IL1RAPL1: variants seen among roughly 807,000 people sequenced by gnomAD.
IL1RAPL1 encodes the protein interleukin 1 receptor accessory protein like 1, also known as interleukin-1 receptor accessory protein-like 1.
In IL1RAPL1, 3 loss-of-function variants were observed where a neutral mutation model predicts 48.4. The observed-to-expected ratio is 0.06, with a 90% CI of 0.03 to 0.16. IL1RAPL1 has a LOEUF of 0.16. IL1RAPL1 is among the 10% of genes least tolerant of loss of function. IL1RAPL1 has a pLI of 1.00. For synonymous variants in IL1RAPL1, 185 were observed against 187.7 expected (o/e 0.99, Z 0.12); for missense variants, 349 against 530.6 (o/e 0.66, Z 3.36).
rs762110727 is a variant in IL1RAPL1, at chrX:28,781,227, T to A, written c.-24-8093T>A. On this transcript the variant is annotated intron_variant, in intron 1 of 10. Transcript: ENST00000378993. ...ATCAAGATGTCATCTGGGTCTTAGGTCTTATCTGAGACTTGAAGTCCTCTT... is the reference window on the plus strand; with the variant it reads ...ATCAAGATGTCATCTGGGTCTTAGGACTTATCTGAGACTTGAAGTCCTCTT... Among the ~76,000 whole-genome samples the A allele has an allele frequency of 3.6e-5, 4 of 110,549 alleles. No individual in the cohort carries two copies. In the East Asian group the frequency reaches 1.1e-3, roughly 31 times the overall value.
At chrX:29,639,923 A>AT (rs1412831712) in intron 5 of IL1RAPL1, among the ~76,000 whole-genome samples, 1 of 111,492 alleles carries the variant, frequency 9.0e-6, no homozygotes, top group Non-Finnish European at 1.9e-5. Flanking sequence ...AGCCAGAAGC[A>AT]TTTTTTATCA....
intron 6 of IL1RAPL1, among the ~76,000 whole-genome samples, chrX:29,842,405 A>C (rs1347255914): frequency 8.9e-6 from 1 of 111,900 alleles, no homozygotes; most frequent in African/African-American, 3.3e-5. Context: ...TGGAAATTTC[A>C]AGAAAGGGCT....
chrX:29,114,920 GTCC>G (rs746585786), intron 2 of IL1RAPL1, among the ~76,000 whole-genome samples: 1 of 111,495 alleles, frequency 9.0e-6, no homozygotes, highest in South Asian at 3.7e-4. Flanking sequence ...GAGCCACTGA[GTCC>G]AGCCTATTTG....
At chrX:29,609,944 T>A (rs746669136) in intron 5 of IL1RAPL1, among the ~76,000 whole-genome samples, 8 of 111,604 alleles carry the variant, frequency 7.2e-5, no homozygotes, top group South Asian at 3.7e-4. Flanking sequence ...CATTTTTTTT[T>A]ATTTTTCTGA....
chrX:29,205,478 T>C (rs1042892630), intron 2 of IL1RAPL1, among the ~76,000 whole-genome samples: 5 of 111,059 alleles, frequency 4.5e-5, no homozygotes, highest in African/African-American at 1.6e-4. Context: ...ACATTTTGCA[T>C]AATCAGTGTG....
Position 29,719,454 on chromosome X carries a change from G to A in IL1RAPL1, c.778+50950G>A, listed in dbSNP as rs780957502. The stretch of plus-strand genomic sequence containing the variant: ...ACCCAATCCTTACCCAAAGTCACAT[G>A]TCTAGCCAATGGTGGTGTCGAATAT... On this transcript the variant is annotated intron_variant, in intron 6 of 10. Transcript: ENST00000378993. Among the ~76,000 whole-genome samples the A allele has an allele frequency of 1.8e-3, 204 of 111,461 alleles. 2 individuals carry two copies. The highest frequency in any genetic ancestry group is 3.4e-3 in the Non-Finnish European group (178 of 53,051).
At chrX:28,705,777 G>A (rs1478092706) in intron 1 of IL1RAPL1, among the ~76,000 whole-genome samples, 1 of 111,701 alleles carries the variant, frequency 9.0e-6, no homozygotes, top group Non-Finnish European at 1.9e-5. Context: ...GAATTCCAAA[G>A]AAAAGGCCCA....
At chrX:29,149,207 T>A (rs1929410758) in intron 2 of IL1RAPL1, among the ~76,000 whole-genome samples, 1 of 110,952 alleles carries the variant, frequency 9.0e-6, no homozygotes, top group Non-Finnish European at 1.9e-5. Context: ...CTCTGCTTTA[T>A]TACATCAGCT....
chrX:29,803,580 T>A (rs1733495442), intron 6 of IL1RAPL1, among the ~76,000 whole-genome samples: 2 of 102,444 alleles, frequency 2.0e-5, no homozygotes, highest in African/African-American at 3.5e-5. Flanking sequence ...TATACATATA[T>A]GTATCCATAT....
intron 2 of IL1RAPL1, among the ~76,000 whole-genome samples, chrX:29,253,167 A>G (rs1931695805): frequency 9.0e-6 from 1 of 111,129 alleles, no homozygotes; most frequent in Non-Finnish European, 1.9e-5. Context: ...CAAGAAAAAT[A>G]TCGAAAAGTA....
intron 8 of IL1RAPL1, among the ~76,000 whole-genome samples, chrX:29,923,232 C>A (rs965831750): frequency 3.6e-5 from 4 of 112,147 alleles, no homozygotes; most frequent in Non-Finnish European, 5.6e-5. Flanking sequence ...GTAAAAGAAT[C>A]ATAATTCCAT....
chrX:28,930,862 C>T lies in IL1RAPL1; in HGVS notation c.82+141437C>T, dbSNP rs781312582. 9.9e-5 allele frequency among the ~76,000 whole-genome samples: 11 copies of T among 110,700 alleles called. No individual in the cohort carries two copies. In the East Asian group the frequency reaches 2.3e-3, roughly 23 times the overall value. On this transcript the variant is annotated intron_variant, in intron 2 of 10. Transcript: ENST00000378993. ...TTCACCGTGTTAGCCAGGATGGTCT[C>T]GATCTACTGACCTCGTGATCTGCTC...
intron 6 of IL1RAPL1, among the ~76,000 whole-genome samples, chrX:29,853,213 G>A (rs1445414991): frequency 1.9e-5 from 2 of 106,088 alleles, no homozygotes; most frequent in Non-Finnish European, 3.9e-5. Flanking sequence ...AAAAAAACAC[G>A]GCCAGGTGCA....
At chrX:29,006,198 T>G (rs750337900) in intron 2 of IL1RAPL1, among the ~76,000 whole-genome samples, 2 of 110,789 alleles carry the variant, frequency 1.8e-5, no homozygotes, top group Non-Finnish European at 3.8e-5. Flanking sequence ...TCTTTGTTCT[T>G]CTTGTTACAT....
At chrX:29,160,202 A>T (rs192114531) in intron 2 of IL1RAPL1, among the ~76,000 whole-genome samples, 7 of 112,056 alleles carry the variant, frequency 6.2e-5, no homozygotes, top group African/African-American at 2.3e-4. Context: ...GTTTTCTCAG[A>T]TATATTCACA....
Position 29,042,436 on chromosome X carries a change from A to G in IL1RAPL1, c.83-240502A>G, listed in dbSNP as rs1195234895. ...TTTCAGATTGACTTTGAAGGCACAT[A>G]TAAGTGTGTTCAATGACTTTGTAAT... On this transcript the variant is annotated intron_variant, in intron 2 of 10. Coordinates refer to ENST00000378993, the MANE Select transcript of IL1RAPL1 (RefSeq NM_014271.4). 5.4e-5 allele frequency among the ~76,000 whole-genome samples: 6 copies of G among 111,825 alleles called. No homozygotes were observed. The East Asian group carries it at 1.1e-3, about 21-fold the overall frequency.
chrX:29,045,963 TC>T, intron 2 of IL1RAPL1, among the ~76,000 whole-genome samples: 1 of 68,752 alleles, frequency 1.5e-5, no homozygotes, highest in Non-Finnish European at 2.5e-5. Context: ...CTCCTCCTCC[TC>T]CTTCTTCTCC....
chrX:29,449,292 AGTAGG>A lies in IL1RAPL1; in HGVS notation c.703+49988_703+49992del, dbSNP rs758138149. On this transcript the variant is annotated intron_variant, in intron 5 of 10. Coordinates refer to ENST00000378993, the MANE Select transcript of IL1RAPL1 (RefSeq NM_014271.4). The stretch of plus-strand genomic sequence containing the variant: ...ATTCTTAACTCATTCTCTGAGTTTA[AGTAGG>A]GTATTAGCAGTTTAATGATGATGGG... Among the ~76,000 whole-genome samples the A allele has an allele frequency of 6.1e-3, 683 of 111,481 alleles. 2 individuals carry two copies. Among genetic ancestry groups the A allele is most frequent in the Middle Eastern group, 0.019 (4 of 215 alleles).
intron 3 of IL1RAPL1, among the ~76,000 whole-genome samples, chrX:29,295,197 G>A (rs1932431574): frequency 9.0e-6 from 1 of 111,688 alleles, no homozygotes; most frequent in Non-Finnish European, 1.9e-5. Context: ...TGTTGCTATG[G>A]GAAATAAGTA....
Sources: gnomAD v4.1 joint callset for allele counts (sites outside exome capture counted in the v4.1 genomes callset) on GRCh38, gnomAD v4.1.1 for gene constraint, MANE v1.5 for transcripts, NCBI Gene and HGNC (gene_info 2026-07-23, HGNC 2026-07-21) for gene names.